The following ACTL6A variants were observed in gnomAD, a reference collection of about 807,000 sequenced individuals.
ACTL6A encodes actin-like protein 6A.
ACTL6A carries 5 observed loss-of-function variants against 59.2 expected under a neutral mutation model. The ratio of observed to expected loss-of-function variants is 0.08; its 90% CI spans 0.04 to 0.18. ACTL6A has a LOEUF of 0.18. Among genes scored for constraint, ACTL6A ranks in the 10% least tolerant of loss-of-function variants. The pLI is 1.00. For missense variants in ACTL6A, 285 were observed against 526.9 expected, an observed-to-expected ratio of 0.54 and a Z score of 4.49; for synonymous variants, 154 against 171.8, an observed-to-expected ratio of 0.90 and a Z score of 0.81.
rs1576856706 is a variant in ACTL6A at position 179,580,754 on chromosome 3, A to G, written c.830+53A>G. 3.5e-5 allele frequency: 51 copies of G among 1,438,798 alleles called. No individual in the cohort carries two copies. The East Asian group carries it at 1.2e-3, about 34-fold the overall frequency. 89.1% of individuals were successfully genotyped at this position (1,438,798 alleles called of 1,614,324 possible). Reference sequence around the variant, plus strand: ...TTATAAATGAGGAAAGGATTTGTTTAAAAAATACTTAATTGAATAATGTTT... The same window carrying G: ...TTATAAATGAGGAAAGGATTTGTTTGAAAAATACTTAATTGAATAATGTTT... On this transcript the variant is annotated intron_variant, in intron 9 of 13. Transcript: ENST00000429709.
chr3:179,562,934 C>T lies in ACTL6A; in HGVS notation c.-159C>T. On this transcript the variant is annotated 5_prime_UTR_variant, in exon 1 of 14. Coordinates refer to ENST00000429709, the MANE Select transcript of ACTL6A (RefSeq NM_004301.5). ...TGATAGGAGGAGCCAGCAAGTGTGG[C>T]TGAGCTCCGGGGTGTGTGGACGCCG... The T allele has an allele frequency of 2.3e-6, 2 of 888,386 alleles. No homozygotes were observed. The highest frequency in any genetic ancestry group is 1.4e-5 in the South Asian group (1 of 70,292). The allele number at this position is 888,386 out of a possible 1,614,324, so 55.0% of individuals were successfully genotyped here. A position where few individuals can be genotyped will look rare whatever the true frequency, so the allele number is the denominator to read the frequency against.
intron 13 of ACTL6A, among the ~76,000 whole-genome samples, 157 bp from the exon 14 acceptor site, chr3:179,587,773 C>T (rs1718551422): frequency 6.6e-6 from 1 of 151,900 alleles, no homozygotes; most frequent in Non-Finnish European, 1.5e-5. Flanking sequence ...TGGGAGCATC[C>T]CTTGAACCAA....
intron 5 of ACTL6A, chr3:179,575,601 A>G (rs1384112035): frequency 1.3e-5 from 5 of 373,788 alleles, no homozygotes; most frequent in South Asian, 8.1e-5. Context: ...GAATGAGTGA[A>G]TGTCCCTACT....
rs111627424 is a variant in ACTL6A at position 179,572,020 on chromosome 3, A to G, written c.278-1349A>G. 2.2e-4 allele frequency among the ~76,000 whole-genome samples: 34 copies of G among 152,328 alleles called. 1 individual carries two copies. The South Asian group carries it at 6.8e-3, about 31-fold the overall frequency. On this transcript the variant is annotated intron_variant, in intron 3 of 13. Coordinates refer to ENST00000429709, the MANE Select transcript of ACTL6A (RefSeq NM_004301.5). Reference sequence around the variant, plus strand: ...TAAGTAAATGGGTTCACTGAGTTCAAAGTACTTAGAACATCCAGGTGATAA... The same window carrying G: ...TAAGTAAATGGGTTCACTGAGTTCAGAGTACTTAGAACATCCAGGTGATAA...
At chr3:179,572,707 A>AGGGAGGAGAATTGCTTGACCCC (rs1718047315) in intron 3 of ACTL6A, among the ~76,000 whole-genome samples, 1 of 152,138 alleles carries the variant, frequency 6.6e-6, no homozygotes, top group African/African-American at 2.4e-5. Context: ...CGGGAGCCTG[A>AGGGAGGAGAATTGCTTGACCCC]GGGAGGAGAA....
At chr3:179,586,491 T>TAGA in intron 12 of ACTL6A, 55 bp from the exon 13 acceptor site, 1 of 1,281,234 alleles carries the variant, frequency 7.8e-7, no homozygotes, top group Non-Finnish European at 1.1e-6. Flanking sequence ...AAAAAAGAAT[T>TAGA]TTCTAAGTTG....
Position 179,588,196 on chromosome 3 carries a change from CTTA to C in ACTL6A, c.*189_*191del, listed in dbSNP as rs1443505135. On this transcript the variant is annotated 3_prime_UTR_variant, in exon 14 of 14. Transcript: ENST00000429709. Reference sequence around the variant, plus strand: ...AAGTTTGTGCTTTCCTTGAAATGCACTTATTCTTATTACAAGCATTTTATAATT... The same window carrying C: ...AAGTTTGTGCTTTCCTTGAAATGCACTTCTTATTACAAGCATTTTATAATT... 2.2e-6 allele frequency: 1 copy of C among 457,186 alleles called. No individual in the cohort carries two copies. The highest frequency in any genetic ancestry group is 3.8e-6 in the Non-Finnish European group (1 of 262,874). The allele number at this position is 457,186 out of a possible 1,614,324, so 28.3% of individuals were successfully genotyped here. A position where few individuals can be genotyped will look rare whatever the true frequency, so the allele number is the denominator to read the frequency against.
chr3:179,574,345 C>T, intron 4 of ACTL6A, 25 bp from the exon 5 acceptor site: 2 of 1,444,210 alleles, frequency 1.4e-6, no homozygotes, highest in Non-Finnish European at 1.9e-6. Flanking sequence ...TAATAACTTG[C>T]ATTTCTTTTT....
At chr3:179,582,724 C>T (rs1409420742) in intron 11 of ACTL6A, among the ~76,000 whole-genome samples, 1 of 151,448 alleles carries the variant, frequency 6.6e-6, no homozygotes, top group Non-Finnish European at 1.5e-5. Context: ...CATTCTTTTT[C>T]AAAATATTTG....
chr3:179,569,007 A>G (rs1168129411), intron 1 of ACTL6A, among the ~76,000 whole-genome samples: 1 of 152,222 alleles, frequency 6.6e-6, no homozygotes, highest in African/African-American at 2.4e-5. Context: ...TGTCTCCAGA[A>G]TAAGTAAGTG....
intron 1 of ACTL6A, among the ~76,000 whole-genome samples, 186 bp from the exon 2 acceptor site, chr3:179,569,638 C>G (rs1200795760): frequency 6.6e-6 from 1 of 151,992 alleles, no homozygotes; most frequent in Non-Finnish European, 1.5e-5. Context: ...AGTTTGAGTC[C>G]AGCCTGGGCA....
intron 13 of ACTL6A, 139 bp from the exon 14 acceptor site, chr3:179,587,791 G>A (rs931694588): frequency 8.0e-5 from 49 of 612,862 alleles, no homozygotes; most frequent in East Asian, 5.8e-4. Flanking sequence ...CAAGAAGTTC[G>A]AGGTTGTAAG....
chr3:179,571,127 G>C (rs960634902), intron 3 of ACTL6A, among the ~76,000 whole-genome samples: 9 of 152,020 alleles, frequency 5.9e-5, no homozygotes, highest in African/African-American at 2.2e-4. Flanking sequence ...GTTTTAAAAG[G>C]CATGGTTGGC....
intron 8 of ACTL6A, among the ~76,000 whole-genome samples, chr3:179,578,289 T>TA (rs1175302695): frequency 2.6e-5 from 4 of 152,106 alleles, no homozygotes; most frequent in Non-Finnish European, 4.4e-5. Flanking sequence ...GCCCTGTCTC[T>TA]AAAAATATAA....
At chr3:179,577,930 A>G (rs1410689799) in intron 8 of ACTL6A, among the ~76,000 whole-genome samples, 1 of 151,880 alleles carries the variant, frequency 6.6e-6, no homozygotes, top group African/African-American at 2.4e-5. Flanking sequence ...GCTATTGTGA[A>G]TAGTGGTGCA....
Position 179,563,267 on chromosome 3 carries a change from G to T in ACTL6A, c.25+150G>T, listed in dbSNP as rs1269861579. ...CCGCCCCGTCCCCGCCCCACGCTCT[G>T]CCCGCCCCCGGAGCCCACCCGGCTC... On this transcript the variant is annotated intron_variant, in intron 1 of 13. Transcript: ENST00000429709. The T allele has an allele frequency of 1.7e-5, 23 of 1,326,978 alleles. No homozygotes were observed. The East Asian group carries it at 5.4e-4, about 31-fold the overall frequency. The allele number at this position is 1,326,978 out of a possible 1,614,324, so 82.2% of individuals were successfully genotyped here. A position where few individuals can be genotyped will look rare whatever the true frequency, so the allele number is the denominator to read the frequency against.
chr3:179,581,975 A>C (rs1381102636), intron 11 of ACTL6A, among the ~76,000 whole-genome samples: 1 of 152,250 alleles, frequency 6.6e-6, no homozygotes, highest in African/African-American at 2.4e-5. Flanking sequence ...AATTCAGCTT[A>C]TCACCCACAT....
Position 179,574,479 on chromosome 3 carries a change from A to C in ACTL6A, c.476+12A>C. 1 of 1,534,470 alleles carries C rather than the reference A, an allele frequency of 6.5e-7. No homozygotes were observed. Among genetic ancestry groups the C allele is most frequent in the East Asian group, 2.3e-5 (1 of 44,428 alleles). On this transcript the variant is annotated intron_variant, in intron 5 of 13. Coordinates refer to ENST00000429709, the MANE Select transcript of ACTL6A (RefSeq NM_004301.5). ...GCAGTTTTGACAGCGTATCCTTGAA[A>C]GAGTAATACCTTTCCTCTTGAAGTA...
At chr3:179,576,112 A>G in intron 5 of ACTL6A, 105 bp from the exon 6 acceptor site, 1 of 769,420 alleles carries the variant, frequency 1.3e-6, no homozygotes, top group Non-Finnish European at 2.2e-6. Context: ...ACTATAAGGT[A>G]CATGTTTAAG....
Sources: gnomAD v4.1 joint callset for allele counts (sites outside exome capture counted in the v4.1 genomes callset) on GRCh38, gnomAD v4.1.1 for gene constraint, MANE v1.5 for transcripts, NCBI Gene and HGNC (gene_info 2026-07-23, HGNC 2026-07-21) for gene names.